The following AGBL1 variants were observed in gnomAD, a reference collection of about 807,000 sequenced individuals.
The protein encoded by AGBL1 is AGBL carboxypeptidase 1.
A neutral mutation model predicts 118.9 loss-of-function variants in AGBL1; 130 were observed. The ratio of observed to expected loss-of-function variants is 1.09; its 90% CI spans 0.95 to 1.26. AGBL1 has a LOEUF of 1.26. AGBL1 is among the 50% of genes most tolerant of loss of function. The probability of loss-of-function intolerance (pLI) is 0.00; values close to 1 mark genes in which losing one functional copy is unlikely to be tolerated. For missense variants in AGBL1, 1,584 were observed against 1,298.1 expected (o/e 1.22, Z -3.38); for synonymous variants, 555 against 478.9 (o/e 1.16, Z -2.08).
chr15:86,754,112 A>G (rs2077897794), intron 22 of AGBL1, among the ~76,000 whole-genome samples: 1 of 152,168 alleles, frequency 6.6e-6, no homozygotes, highest in African/African-American at 2.4e-5. Flanking sequence ...TTTTATTAGT[A>G]GAAGAGCTCT....
chr15:86,205,193 G>A (rs1448457029), intron 5 of AGBL1, among the ~76,000 whole-genome samples: 1 of 152,064 alleles, frequency 6.6e-6, no homozygotes, highest in East Asian at 1.9e-4. Flanking sequence ...TCATTTAGTT[G>A]GAATCACACA....
chr15:86,535,589 A>G (rs754808765), intron 19 of AGBL1, among the ~76,000 whole-genome samples: 3 of 152,164 alleles, frequency 2.0e-5, no homozygotes, highest in African/African-American at 4.8e-5. Context: ...GAGCGCATCA[A>G]TTTCTGTTTA....
At chr15:86,759,643 A>G (rs892601614) in intron 22 of AGBL1, among the ~76,000 whole-genome samples, 2 of 152,110 alleles carry the variant, frequency 1.3e-5, no homozygotes, top group African/African-American at 4.8e-5. Flanking sequence ...TTAGAAAGTC[A>G]TGATTTGAGA....
At chr15:86,545,750 G>C (rs561061301) in intron 19 of AGBL1, among the ~76,000 whole-genome samples, 2 of 151,842 alleles carry the variant, frequency 1.3e-5, no homozygotes, top group African/African-American at 2.4e-5. Flanking sequence ...GCGTTTCTTC[G>C]TATTCTATTC....
intron 24 of AGBL1, among the ~76,000 whole-genome samples, chr15:87,026,095 G>C (rs2081723593): frequency 1.3e-5 from 2 of 151,988 alleles, no homozygotes; most frequent in Admixed American, 1.3e-4. Flanking sequence ...CACTGGTTTA[G>C]GGAAGGATTT....
Position 86,950,143 on chromosome 15 carries a change from A to T in AGBL1, c.3222-37844A>T, listed in dbSNP as rs868051860. Among the ~76,000 whole-genome samples, 80 of 152,142 alleles carry T rather than the reference A, an allele frequency of 5.3e-4. 1 individual carries two copies. The Middle Eastern group carries it at 0.017, about 32-fold the overall frequency. On this transcript the variant is annotated intron_variant, in intron 23 of 24. Transcript: ENST00000441037. ...TATCTGTTAAGCCTGTTTAGAGGAG[A>T]AATTACCTAAAGGAAAGATAATTTT...
At chr15:86,885,900 G>T (rs756310400) in intron 22 of AGBL1, among the ~76,000 whole-genome samples, 69 of 152,148 alleles carry the variant, frequency 4.5e-4, no homozygotes, top group Non-Finnish European at 1.6e-4. Context: ...ACAACAAAAA[G>T]GCCTGTGTAA....
At chr15:86,744,907 C>T (rs775716722) in intron 22 of AGBL1, among the ~76,000 whole-genome samples, 10 of 152,234 alleles carry the variant, frequency 6.6e-5, no homozygotes, top group South Asian at 2.1e-4. Flanking sequence ...TGTTGATCTG[C>T]GGAGCAGCTC....
chr15:86,849,669 C>A (rs2141455536), intron 22 of AGBL1, among the ~76,000 whole-genome samples: 1 of 152,220 alleles, frequency 6.6e-6, no homozygotes, highest in Non-Finnish European at 1.5e-5. Context: ...CAGCTCTGGC[C>A]AGTTTCTTTC....
At chr15:86,797,711 G>A (rs182467279) in intron 22 of AGBL1, among the ~76,000 whole-genome samples, 2 of 152,260 alleles carry the variant, frequency 1.3e-5, no homozygotes, top group East Asian at 3.9e-4. Context: ...TTCAAGTTAA[G>A]AGTTTTGTAA....
At chr15:86,236,952 C>CGGGGGGGGGGGGGGG (rs1398987301) in intron 6 of AGBL1, among the ~76,000 whole-genome samples, 1 of 10,316 alleles carries the variant, frequency 9.7e-5, no homozygotes, top group Non-Finnish European at 1.8e-4. Flanking sequence ...CGGGGGGGGG[C>CGGGGGGGGGGGGGGG]GGGGGGGCGC....
chr15:86,593,578 G>A (rs553606942), intron 21 of AGBL1, among the ~76,000 whole-genome samples: 7 of 152,252 alleles, frequency 4.6e-5, no homozygotes, highest in African/African-American at 1.7e-4. Flanking sequence ...TAGATAAATT[G>A]CATGGACTAA....
At chr15:86,167,932 C>A (rs1300590352) in intron 5 of AGBL1, among the ~76,000 whole-genome samples, 1 of 152,110 alleles carries the variant, frequency 6.6e-6, no homozygotes, top group Non-Finnish European at 1.5e-5. Context: ...GAGTAGAGAA[C>A]AATAAATGGT....
chr15:86,205,045 C>T (rs1305905925), intron 5 of AGBL1, among the ~76,000 whole-genome samples: 2 of 152,188 alleles, frequency 1.3e-5, no homozygotes, highest in East Asian at 3.9e-4. Context: ...TTTCACTGCT[C>T]TAAAAATCCT....
At chr15:86,739,603 C>G (rs2077649414) in intron 22 of AGBL1, among the ~76,000 whole-genome samples, 1 of 151,422 alleles carries the variant, frequency 6.6e-6, no homozygotes, top group African/African-American at 2.4e-5. Context: ...GGGTTCAAAT[C>G]CCACCTCTGC....
intron 24 of AGBL1, among the ~76,000 whole-genome samples, chr15:86,999,726 A>C (rs371283877): frequency 6.0e-5 from 9 of 151,256 alleles, no homozygotes; most frequent in African/African-American, 1.5e-4. Flanking sequence ...ATTTATAGTC[A>C]TTTGGGTATA....
intron 23 of AGBL1, among the ~76,000 whole-genome samples, chr15:86,928,114 T>G (rs1460600098): frequency 6.6e-6 from 1 of 152,178 alleles, no homozygotes; most frequent in Non-Finnish European, 1.5e-5. Context: ...CCATTTAAAC[T>G]AAGAATATCA....
intron 19 of AGBL1, among the ~76,000 whole-genome samples, chr15:86,525,742 A>G (rs948024196): frequency 6.6e-6 from 1 of 152,206 alleles, no homozygotes; most frequent in Non-Finnish European, 1.5e-5. Flanking sequence ...TAAATCTAAG[A>G]TCTGAGTCTG....
At chr15:86,728,474 G>A (rs913625811) in intron 22 of AGBL1, among the ~76,000 whole-genome samples, 5 of 152,108 alleles carry the variant, frequency 3.3e-5, no homozygotes, top group African/African-American at 1.2e-4. Context: ...CAGACAGGTG[G>A]CCCCATAGGT....
Sources: gnomAD v4.1 joint callset for allele counts (sites outside exome capture counted in the v4.1 genomes callset) on GRCh38, gnomAD v4.1.1 for gene constraint, MANE v1.5 for transcripts, NCBI Gene and HGNC (gene_info 2026-07-23, HGNC 2026-07-21) for gene names.